Variants in CGNL1 observed in about 807,000 individuals in gnomAD.
CGNL1 encodes cingulin-like protein 1.
A neutral mutation model predicts 141.2 loss-of-function variants in CGNL1; 132 were observed. The observed-to-expected ratio is 0.93, with a 90% confidence interval of 0.81 to 1.08. The LOEUF (loss-of-function observed/expected upper bound fraction) is 1.08. Ranked by LOEUF, CGNL1 falls within the 50% of genes least tolerant of loss-of-function variation. CGNL1 has a pLI of 0.00. For missense variants in CGNL1, 1,870 were observed against 1,588.6 expected, an observed-to-expected ratio of 1.18 and a Z score of -3.01; for synonymous variants, 690 against 622.1, an observed-to-expected ratio of 1.11 and a Z score of -1.63.
rs1030844046 is a variant in CGNL1 at position 57,547,982 on chromosome 15, C to G, written c.*492C>G. 1 of 152,048 alleles carries G rather than the reference C, an allele frequency of 6.6e-6. No individual in the cohort carries two copies. Among genetic ancestry groups the G allele is most frequent in the Admixed American group, 6.6e-5 (1 of 15,182 alleles). The allele number at this position is 152,048 out of a possible 1,614,324, so 9.4% of individuals were successfully genotyped here. A position where few individuals can be genotyped will look rare whatever the true frequency, so the allele number is the denominator to read the frequency against. On this transcript the variant is annotated 3_prime_UTR_variant, in exon 19 of 19. Coordinates refer to ENST00000281282, the MANE Select transcript of CGNL1 (RefSeq NM_032866.5). The stretch of plus-strand genomic sequence containing the variant: ...GGTAGGGTGGCTGGTTTGTAAAGTT[C>G]ATGCATCTATATTGAGTATTCTTTT...
intron 1 of CGNL1, among the ~76,000 whole-genome samples, chr15:57,400,255 A>C (rs1281903448): frequency 6.6e-6 from 1 of 152,138 alleles, no homozygotes; most frequent in Non-Finnish European, 1.5e-5. Context: ...GGCCTCCCAA[A>C]GTGCTGGGAT....
intron 7 of CGNL1, among the ~76,000 whole-genome samples, chr15:57,457,881 A>G (rs2063398675): frequency 6.6e-6 from 1 of 152,112 alleles, no homozygotes; most frequent in Non-Finnish European, 1.5e-5. Flanking sequence ...CATCTAGTGG[A>G]TGAACTCCAG....
At chr15:57,464,829 A>C (rs191697726) in intron 8 of CGNL1, among the ~76,000 whole-genome samples, 4 of 149,902 alleles carry the variant, frequency 2.7e-5, no homozygotes, top group Non-Finnish European at 5.9e-5. Context: ...GGCTCACTGC[A>C]GCCTACACCT....
intron 8 of CGNL1, among the ~76,000 whole-genome samples, chr15:57,480,062 T>C (rs552156058): frequency 2.3e-4 from 35 of 152,310 alleles, no homozygotes; most frequent in African/African-American, 8.4e-4. Context: ...GTTGGTTTTA[T>C]TGCAGTATTA....
intron 14 of CGNL1, among the ~76,000 whole-genome samples, chr15:57,537,746 T>G (rs2032340493): frequency 6.6e-6 from 1 of 152,200 alleles, no homozygotes; most frequent in Admixed American, 6.5e-5. Context: ...TAAAACCCAC[T>G]GGAATCTGAT....
chr15:57,543,659 CCTT>C (rs1437415982), intron 14 of CGNL1, 34 bp from the exon 15 acceptor site: 3 of 1,532,532 alleles, frequency 2.0e-6, no homozygotes, highest in South Asian at 1.1e-5. Context: ...CAGGAACAGT[CCTT>C]CTAACCTCTG....
At chr15:57,481,071 T>TTTTTTTG in intron 8 of CGNL1, among the ~76,000 whole-genome samples, 1 of 150,988 alleles carries the variant, frequency 6.6e-6, no homozygotes, top group Non-Finnish European at 1.5e-5. Context: ...GGGGTTTTTT[T>TTTTTTTG]TTTTTTTTTT....
At chr15:57,522,653 A>T (rs868394968) in intron 10 of CGNL1, among the ~76,000 whole-genome samples, 2 of 152,234 alleles carry the variant, frequency 1.3e-5, no homozygotes, top group Admixed American at 1.3e-4. Context: ...AGAAGCCACC[A>T]TAACTTTCCT....
intron 8 of CGNL1, among the ~76,000 whole-genome samples, chr15:57,498,420 G>A (rs886904807): frequency 6.6e-6 from 1 of 151,942 alleles, no homozygotes; most frequent in East Asian, 1.9e-4. Context: ...GCCCAGGCTG[G>A]TCTCAAACCC....
At chr15:57,377,040 G>T (rs1253167215) in intron 1 of CGNL1, 1 of 152,130 alleles carries the variant, frequency 6.6e-6, no homozygotes, top group Non-Finnish European at 1.5e-5. Flanking sequence ...TTCTCTCCCC[G>T]ATCCTCCAGA....
At chr15:57,502,337 G>GA (rs1452827245) in intron 8 of CGNL1, among the ~76,000 whole-genome samples, 6 of 152,336 alleles carry the variant, frequency 3.9e-5, no homozygotes, top group Admixed American at 3.9e-4. Context: ...TGGGAAAATG[G>GA]AAAGGCTTGT....
At chr15:57,384,404 G>T (rs1421832800) in intron 1 of CGNL1, among the ~76,000 whole-genome samples, 3 of 152,128 alleles carry the variant, frequency 2.0e-5, no homozygotes, top group Non-Finnish European at 2.9e-5. Flanking sequence ...TTTTACAGGC[G>T]ATAGAAACAA....
chr15:57,536,370 A>G (rs1221575333), intron 14 of CGNL1, among the ~76,000 whole-genome samples: 3 of 152,190 alleles, frequency 2.0e-5, no homozygotes, highest in African/African-American at 7.2e-5. Flanking sequence ...GCTCAGGACA[A>G]TATTATTCAG....
chr15:57,420,686 A>C (rs144822133), intron 1 of CGNL1, among the ~76,000 whole-genome samples: 1 of 152,170 alleles, frequency 6.6e-6, no homozygotes, highest in Non-Finnish European at 1.5e-5. Context: ...TTAGTTCAGC[A>C]TGTTTTTCTA....
At chr15:57,482,780 CTTT>C (rs1425101659) in intron 8 of CGNL1, among the ~76,000 whole-genome samples, 6 of 150,042 alleles carry the variant, frequency 4.0e-5, no homozygotes, top group African/African-American at 9.9e-5. Flanking sequence ...CTTTTCTTTT[CTTT>C]TCTCTCTTTT....
intron 2 of CGNL1, among the ~76,000 whole-genome samples, chr15:57,439,820 A>T (rs1461424126): frequency 6.6e-6 from 1 of 152,194 alleles, no homozygotes; most frequent in Non-Finnish European, 1.5e-5. Flanking sequence ...CTGGATTCCC[A>T]TTGTGATCTC....
intron 8 of CGNL1, among the ~76,000 whole-genome samples, chr15:57,491,592 A>G (rs945287281): frequency 6.6e-6 from 1 of 152,136 alleles, no homozygotes; most frequent in African/African-American, 2.4e-5. Flanking sequence ...TACATGTACC[A>G]CTTTTTGCTT....
At chr15:57,396,456 A>G (rs1161247662) in intron 1 of CGNL1, among the ~76,000 whole-genome samples, 1 of 151,714 alleles carries the variant, frequency 6.6e-6, no homozygotes, top group Non-Finnish European at 1.5e-5. Context: ...AATTTTTAAA[A>G]GAGACAGGGT....
At chr15:57,504,584 T>G (rs1405098996) in intron 8 of CGNL1, among the ~76,000 whole-genome samples, 2 of 152,346 alleles carry the variant, frequency 1.3e-5, no homozygotes, top group South Asian at 4.1e-4. Flanking sequence ...AGCTTATTTC[T>G]TGCTCATGCT....
Sources: gnomAD v4.1 joint callset for allele counts (sites outside exome capture counted in the v4.1 genomes callset) on GRCh38, gnomAD v4.1.1 for gene constraint, MANE v1.5 for transcripts, NCBI Gene and HGNC (gene_info 2026-07-23, HGNC 2026-07-21) for gene names.